DGKI: variants seen among roughly 807,000 people sequenced by gnomAD.
DGKI encodes diacylglycerol kinase iota.
A neutral mutation model predicts 147.5 loss-of-function variants in DGKI; 55 were observed. The ratio of observed to expected loss-of-function variants is 0.37; its 90% CI spans 0.30 to 0.47. The LOEUF (loss-of-function observed/expected upper bound fraction) is 0.47. Among genes scored for constraint, DGKI ranks in the 20% least tolerant of loss-of-function variants. The pLI, the probability that DGKI is intolerant of heterozygous loss-of-function variation, is 1.00. For synonymous variants in DGKI, 469 were observed against 477.1 expected, an observed-to-expected ratio of 0.98 and a Z score of 0.22; for missense variants, 1,007 against 1,323.8, an observed-to-expected ratio of 0.76 and a Z score of 3.71.
At chr7:137,397,023 A>T (rs1811579673) in intron 31 of DGKI, among the ~76,000 whole-genome samples, 1 of 152,236 alleles carries the variant, frequency 6.6e-6, no homozygotes, top group Admixed American at 6.5e-5. Context: ...CCATTTTTTC[A>T]GAAACTCCAG....
intron 1 of DGKI, among the ~76,000 whole-genome samples, chr7:137,710,466 C>CA (rs796578177): frequency 4.0e-5 from 6 of 151,880 alleles, no homozygotes; most frequent in African/African-American, 1.4e-4. Context: ...AGAAACAGAC[C>CA]AAAAAATACA....
At chr7:137,656,305 T>G (rs1822218814) in intron 4 of DGKI, among the ~76,000 whole-genome samples, 161 bp downstream of exon 4, 1 of 152,220 alleles carries the variant, frequency 6.6e-6, no homozygotes, top group South Asian at 2.1e-4. Flanking sequence ...GAACGACCCT[T>G]AAACATTGTC....
chr7:137,638,683 TACAC>T (rs58584640), intron 6 of DGKI, among the ~76,000 whole-genome samples: 6 of 134,736 alleles, frequency 4.5e-5, no homozygotes, highest in African/African-American at 1.6e-4. Context: ...CACACGTATG[TACAC>T]ACAGATACAT....
rs145056223 is a variant in DGKI at position 137,559,777 on chromosome 7, G to A, written c.1948-7209C>T. Among the ~76,000 whole-genome samples the A allele has an allele frequency of 1.4e-4, 21 of 151,760 alleles. No individual in the cohort carries two copies. The South Asian group carries it at 2.7e-3, about 20-fold the overall frequency. On this transcript the variant is annotated intron_variant, in intron 19 of 32. Coordinates refer to ENST00000614521, the MANE Select transcript of DGKI (RefSeq NM_001321708.2). ...ATAGCTGTTAGTGAGATTTAGACTC[G>A]TATTCATGATGCGGTTTGAGAAAAA...
At chr7:137,769,279 G>C (rs1413464552) in intron 1 of DGKI, among the ~76,000 whole-genome samples, 1 of 152,170 alleles carries the variant, frequency 6.6e-6, no homozygotes, top group Non-Finnish European at 1.5e-5. Context: ...TGTAAGAAGA[G>C]TTTGGTACCA....
chr7:137,699,909 T>C, intron 1 of DGKI, among the ~76,000 whole-genome samples: 1 of 152,214 alleles, frequency 6.6e-6, no homozygotes, highest in East Asian at 1.9e-4. Flanking sequence ...CTCATAAGGC[T>C]ATCTGTGTTC....
chr7:137,417,592 T>C (rs140825690), intron 28 of DGKI, among the ~76,000 whole-genome samples: 112 of 152,296 alleles, frequency 7.4e-4, no homozygotes, highest in Middle Eastern at 6.8e-3. Context: ...GCTTCTGTCA[T>C]GTGGAATCAG....
chr7:137,663,873 G>A (rs1197316501), intron 3 of DGKI, among the ~76,000 whole-genome samples: 6 of 152,052 alleles, frequency 3.9e-5, no homozygotes, highest in Non-Finnish European at 7.3e-5. Flanking sequence ...AAGGGGGAGG[G>A]AAGAAAGGAG....
At chr7:137,796,491 C>A (rs1797035682) in intron 1 of DGKI, among the ~76,000 whole-genome samples, 1 of 151,086 alleles carries the variant, frequency 6.6e-6, no homozygotes, top group African/African-American at 2.4e-5. Context: ...CAGAGCAAAA[C>A]TCCATTTAAA....
intron 28 of DGKI, among the ~76,000 whole-genome samples, chr7:137,442,119 T>G (rs1813533503): frequency 3.3e-5 from 5 of 152,220 alleles, no homozygotes. Flanking sequence ...GAACTATTTT[T>G]GGAAGTCACA....
chr7:137,691,693 A>G (rs1328426478), intron 1 of DGKI, among the ~76,000 whole-genome samples: 1 of 152,156 alleles, frequency 6.6e-6, no homozygotes, highest in Admixed American at 6.5e-5. Flanking sequence ...GTAGCCCCCA[A>G]GCCTGAGGAA....
chr7:137,556,506 T>C (rs1818229390), intron 19 of DGKI, among the ~76,000 whole-genome samples: 1 of 152,142 alleles, frequency 6.6e-6, no homozygotes, highest in Non-Finnish European at 1.5e-5. Flanking sequence ...ATAAGAAAGA[T>C]GGCTGATACA....
rs4518583 is a variant in DGKI at position 137,386,398 on chromosome 7, T to C, written c.*4822A>G. 46,319 of 152,000 alleles carry C rather than the reference T, an allele frequency of 0.3. 7,495 individuals carry two copies. The highest frequency in any genetic ancestry group is 0.36 in the Admixed American group (5,535 of 15,260). The allele number at this position is 152,000 out of a possible 1,614,324, so 9.4% of individuals were successfully genotyped here. Reference sequence around the variant, plus strand: ...AATGAGGAAGCAGCAGCCGTGATTGTGTACCCTCATGGGACTAAGACAGAT... The same window carrying C: ...AATGAGGAAGCAGCAGCCGTGATTGCGTACCCTCATGGGACTAAGACAGAT... On this transcript the variant is annotated 3_prime_UTR_variant, in exon 33 of 33. Transcript: ENST00000614521.
chr7:137,477,817 C>A (rs773258171), intron 23 of DGKI, among the ~76,000 whole-genome samples: 1 of 152,054 alleles, frequency 6.6e-6, no homozygotes, highest in African/African-American at 2.4e-5. Context: ...CTACAGCGCC[C>A]GGCTAATTTT....
intron 3 of DGKI, among the ~76,000 whole-genome samples, chr7:137,676,224 C>T (rs1823033712): frequency 6.6e-6 from 1 of 152,154 alleles, no homozygotes; most frequent in African/African-American, 2.4e-5. Context: ...CTAAACCAAC[C>T]AGCAGCAACT....
chr7:137,618,472 C>T (rs571074430), intron 8 of DGKI, among the ~76,000 whole-genome samples: 79 of 149,954 alleles, frequency 5.3e-4, no homozygotes, highest in Non-Finnish European at 8.8e-4. Context: ...TGAAGCCCTC[C>T]CCCCCACTTC....
chr7:137,808,890 C>T (rs1210771194), intron 1 of DGKI, among the ~76,000 whole-genome samples: 1 of 152,146 alleles, frequency 6.6e-6, no homozygotes, highest in Admixed American at 6.5e-5. Context: ...GAGGTTCTAG[C>T]TGTGGACGTG....
In DGKI at chr7:137,846,443, GC is replaced by G. The variant is rs761000459; in HGVS notation, c.401+18del. ...CCGCCGCGGCGCACCTGTCTCGGCT[GC>G]CGGCTCCCCGCACCTACCTGTACGA... is the stretch of plus-strand genomic sequence containing the variant. On this transcript the variant is annotated intron_variant, in intron 1 of 32. Coordinates refer to ENST00000614521, the MANE Select transcript of DGKI (RefSeq NM_001321708.2). The surrounding 1 kb of genome is among the most constrained non-coding windows in gnomAD (Gnocchi z 4.0). The G allele has an allele frequency of 3.8e-6, 6 of 1,561,806 alleles. No homozygotes were observed. The highest frequency in any genetic ancestry group is 5.2e-6 in the Non-Finnish European group (6 of 1,148,968).
chr7:137,765,298 T>C (rs1411138997), intron 1 of DGKI, among the ~76,000 whole-genome samples: 1 of 152,240 alleles, frequency 6.6e-6, no homozygotes, highest in Non-Finnish European at 1.5e-5. Context: ...TATCGTTGAT[T>C]TTTTTATTCC....
Sources: gnomAD v4.1 joint callset for allele counts (sites outside exome capture counted in the v4.1 genomes callset) on GRCh38, gnomAD v4.1.1 for gene constraint, Gnocchi (gnomAD v3.1) non-coding constraint, MANE v1.5 for transcripts, NCBI Gene and HGNC (gene_info 2026-07-23, HGNC 2026-07-21) for gene names.